HIP1: variants seen among roughly 807,000 people sequenced by gnomAD.
The protein encoded by HIP1 is huntingtin interacting protein 1, also known as huntingtin-interacting protein 1.
In HIP1, 65 loss-of-function variants were observed where a neutral mutation model predicts 147.6. The ratio of observed to expected loss-of-function variants is 0.44; its 90% CI spans 0.36 to 0.54. The LOEUF (loss-of-function observed/expected upper bound fraction) is 0.54. HIP1 is among the 20% of genes least tolerant of loss of function. The probability of loss-of-function intolerance (pLI) is 0.00; values close to 1 mark genes in which losing one functional copy is unlikely to be tolerated. For synonymous variants in HIP1, 479 were observed against 504.0 expected, an observed-to-expected ratio of 0.95 and a Z score of 0.67; for missense variants, 1,061 against 1,299.6, an observed-to-expected ratio of 0.82 and a Z score of 2.82.
At chr7:75,627,513 C>T (rs1798084969) in intron 1 of HIP1, among the ~76,000 whole-genome samples, 1 of 152,080 alleles carries the variant, frequency 6.6e-6, no homozygotes, top group African/African-American at 2.4e-5. Flanking sequence ...CTCAGTTTCT[C>T]CAGCTTGAAC....
chr7:75,648,333 G>T (rs1798871779), intron 1 of HIP1, among the ~76,000 whole-genome samples: 2 of 151,924 alleles, frequency 1.3e-5, no homozygotes, highest in South Asian at 2.1e-4. Context: ...GGGCTGGTTG[G>T]AGTAGATGAG....
intron 1 of HIP1, among the ~76,000 whole-genome samples, chr7:75,680,924 C>T (rs1479045125): frequency 2.0e-5 from 3 of 152,016 alleles, no homozygotes; most frequent in Admixed American, 2.0e-4. Flanking sequence ...TACAGGCGCC[C>T]ACCACCACAC....
Position 75,711,889 on chromosome 7 carries a change from G to A in HIP1, c.120+26912C>T, listed in dbSNP as rs556281393. Among the ~76,000 whole-genome samples, 7 of 152,290 alleles carry A rather than the reference G, an allele frequency of 4.6e-5. No individual in the cohort carries two copies. The East Asian group carries it at 1.3e-3, about 29-fold the overall frequency. Reference sequence around the variant, plus strand: ...GTCCCCTGCCAGTCTTGGGGTGAGGGGGCAGCGTAGCTCTCATAATGCCTC... The same window carrying A: ...GTCCCCTGCCAGTCTTGGGGTGAGGAGGCAGCGTAGCTCTCATAATGCCTC... On this transcript the variant is annotated intron_variant, in intron 1 of 30. Coordinates refer to ENST00000336926, the MANE Select transcript of HIP1 (RefSeq NM_005338.7).
chr7:75,687,307 G>A (rs936171017), intron 1 of HIP1, among the ~76,000 whole-genome samples: 2 of 152,144 alleles, frequency 1.3e-5, no homozygotes, highest in African/African-American at 2.4e-5. Flanking sequence ...TCTCATGTCT[G>A]AACTTTTTAC....
chr7:75,656,074 G>A (rs2117199431), intron 1 of HIP1, among the ~76,000 whole-genome samples: 1 of 152,016 alleles, frequency 6.6e-6, no homozygotes, highest in East Asian at 1.9e-4. Flanking sequence ...AGCCATGGTC[G>A]CGCCACTGCA....
intron 1 of HIP1, chr7:75,611,870 T>C: frequency 9.8e-7 from 1 of 1,018,826 alleles, no homozygotes; most frequent in Non-Finnish European, 1.2e-6. Context: ...AAGGGCGCCT[T>C]TCTCCCAGCC....
chr7:75,555,197 G>GGGGGGC (rs1554492977), intron 19 of HIP1, among the ~76,000 whole-genome samples: 1 of 99,058 alleles, frequency 1.0e-5, no homozygotes, highest in Non-Finnish European at 2.1e-5. Flanking sequence ...CGGGGGGGCG[G>GGGGGGC]GGGGGGGGAA....
rs145169510 is a variant in HIP1 at position 75,658,445 on chromosome 7, C to T, written c.121-59198G>A. On this transcript the variant is annotated intron_variant, in intron 1 of 30. Transcript: ENST00000336926. Reference sequence around the variant, plus strand: ...GGTGGAGAACAAATCTGCCCAGCTTCAGGACTAGTTTGTGGAGGTCATCTG... The same window carrying T: ...GGTGGAGAACAAATCTGCCCAGCTTTAGGACTAGTTTGTGGAGGTCATCTG... Among the ~76,000 whole-genome samples the T allele has an allele frequency of 3.9e-5, 6 of 152,228 alleles. No individual in the cohort carries two copies. In the East Asian group the frequency reaches 1.2e-3, roughly 29 times the overall value.
intron 1 of HIP1, among the ~76,000 whole-genome samples, chr7:75,679,693 TCTC>T (rs1282981974): frequency 6.6e-6 from 1 of 151,526 alleles, no homozygotes; most frequent in African/African-American, 2.4e-5. Flanking sequence ...TTTGGCTTCT[TCTC>T]AACCTGTATG....
At chr7:75,672,700 C>A (rs999918070) in intron 1 of HIP1, among the ~76,000 whole-genome samples, 5 of 152,094 alleles carry the variant, frequency 3.3e-5, no homozygotes, top group African/African-American at 4.8e-5. Flanking sequence ...TTTATTTTTT[C>A]TTTGGTTGTT....
At position 75,554,168 on chromosome 7, in the gene HIP1, G is replaced by A. The variant is rs782811114; in HGVS notation, c.2103C>T (p.Asp701=). ...SITLLAHLTS[D]AIAHGATTCL... is the part of the protein sequence containing the mutation. ...AGGTGGTGGCACCATGAGCAATGGC[G>A]TCGCTGGTCAAGTGGGCCAGCAGGG... is the stretch of plus-strand genomic sequence containing the variant. Residue 701 remains aspartate (D), a synonymous_variant, in exon 21 of 31, where the codon GAC becomes GAT. Transcript: ENST00000336926. 37 of 1,613,956 alleles carry A rather than the reference G, an allele frequency of 2.3e-5. No individual in the cohort carries two copies. The Admixed American group carries it at 3.0e-4, about 13-fold the overall frequency.
intron 1 of HIP1, among the ~76,000 whole-genome samples, chr7:75,621,591 T>G (rs1797849871): frequency 6.6e-6 from 1 of 152,180 alleles, no homozygotes; most frequent in African/African-American, 2.4e-5. Context: ...TAAAACGATC[T>G]GATTCAATAG....
At chr7:75,734,261 TA>T (rs1554523392) in intron 1 of HIP1, among the ~76,000 whole-genome samples, 1 of 120,006 alleles carries the variant, frequency 8.3e-6, no homozygotes, top group Non-Finnish European at 1.9e-5. Context: ...AATAAATAAA[TA>T]AATAAATAAA....
intron 1 of HIP1, among the ~76,000 whole-genome samples, chr7:75,613,908 T>G (rs1158448297): frequency 1.3e-5 from 2 of 151,702 alleles, no homozygotes; most frequent in Non-Finnish European, 2.9e-5. Context: ...AATTCTTTTG[T>G]AGAGATGGGG....
intron 1 of HIP1, among the ~76,000 whole-genome samples, chr7:75,659,773 G>A (rs782513841): frequency 6.6e-6 from 1 of 152,164 alleles, no homozygotes; most frequent in Non-Finnish European, 1.5e-5. Flanking sequence ...TGCTAAGAAA[G>A]CATTTTATTG....
chr7:75,582,270 G>T lies in HIP1; in HGVS notation c.466-119C>A, dbSNP rs587748145. ...CTTGGGAGGCCGAGGTGGGAGGATT[G>T]CTTGAGCCCGGGAGTTCAAGTTTAC... On this transcript the variant is annotated intron_variant, in intron 5 of 30. Coordinates refer to ENST00000336926, the MANE Select transcript of HIP1 (RefSeq NM_005338.7). 3.6e-4 allele frequency: 264 copies of T among 729,466 alleles called. No homozygotes were observed. In the African/African-American group the frequency reaches 4.2e-3, roughly 12 times the overall value. 45.2% of individuals were successfully genotyped at this position (729,466 alleles called of 1,614,324 possible).
rs146833756 is a variant in HIP1 at position 75,685,444 on chromosome 7, C to T, written c.120+53357G>A. 1.8e-3 allele frequency among the ~76,000 whole-genome samples: 270 copies of T among 152,356 alleles called. 1 individual carries two copies. The highest frequency in any genetic ancestry group is 6.1e-3 in the African/African-American group (254 of 41,590). ...CTCCCTACGGTTCACATTTCCTCTTCCGTGAAATGCCTACTGATGTCTTTG... is the reference window on the plus strand; with the variant it reads ...CTCCCTACGGTTCACATTTCCTCTTTCGTGAAATGCCTACTGATGTCTTTG... On this transcript the variant is annotated intron_variant, in intron 1 of 30. Transcript: ENST00000336926.
chr7:75,673,467 G>C (rs1421173602), intron 1 of HIP1, among the ~76,000 whole-genome samples: 2 of 152,082 alleles, frequency 1.3e-5, no homozygotes, highest in African/African-American at 4.8e-5. Context: ...GACTAGCAAA[G>C]TCTTGCCATA....
intron 1 of HIP1, among the ~76,000 whole-genome samples, chr7:75,730,808 A>G (rs187871171): frequency 6.8e-6 from 1 of 146,416 alleles, no homozygotes; most frequent in South Asian, 2.2e-4. Flanking sequence ...TCTCGGCTCA[A>G]TGCAACCTCC....
Sources: gnomAD v4.1 joint callset for allele counts (sites outside exome capture counted in the v4.1 genomes callset) on GRCh38, gnomAD v4.1.1 for gene constraint, MANE v1.5 for transcripts, NCBI Gene and HGNC (gene_info 2026-07-23, HGNC 2026-07-21) for gene names.